SRBD1: variants seen among roughly 807,000 people sequenced by gnomAD.
SRBD1 encodes the protein S1 RNA binding domain 1.
A neutral mutation model predicts 115.3 loss-of-function variants in SRBD1; 88 were observed. The observed-to-expected ratio is 0.76, with a 90% CI of 0.64 to 0.91. The LOEUF (loss-of-function observed/expected upper bound fraction) is 0.91. Ranked by LOEUF, SRBD1 falls within the 40% of genes least tolerant of loss-of-function variation. The pLI, the probability that SRBD1 is intolerant of heterozygous loss-of-function variation, is 0.00. For synonymous variants in SRBD1, 509 were observed against 407.7 expected (o/e 1.25, Z -2.99); for missense variants, 1,385 against 1,177.4 (o/e 1.18, Z -2.58).
intron 16 of SRBD1, among the ~76,000 whole-genome samples, chr2:45,431,076 A>G (rs1668317933): frequency 6.6e-6 from 1 of 152,238 alleles, no homozygotes; most frequent in South Asian, 2.1e-4. Flanking sequence ...ACACAATCAA[A>G]ACCACAATGA....
chr2:45,451,580 A>C (rs1017921357), intron 16 of SRBD1, among the ~76,000 whole-genome samples: 8 of 152,002 alleles, frequency 5.3e-5, no homozygotes, highest in African/African-American at 1.7e-4. Context: ...GCCGGCATAC[A>C]GTATCTTCAG....
chr2:45,426,399 C>T (rs991868264), intron 16 of SRBD1, among the ~76,000 whole-genome samples: 12 of 152,166 alleles, frequency 7.9e-5, no homozygotes, highest in Non-Finnish European at 1.0e-4. Flanking sequence ...GAGCACCTGG[C>T]GGAAGGCGTG....
chr2:45,447,030 T>G (rs561704729), intron 16 of SRBD1: 1 of 152,246 alleles, frequency 6.6e-6, no homozygotes, highest in Non-Finnish European at 1.5e-5. Flanking sequence ...TAATTTTCTA[T>G]GTACTACTAG....
At position 45,426,708 on chromosome 2, in the gene SRBD1, C is replaced by A. The variant is rs576373385; in HGVS notation, c.2050-6814G>T. On this transcript the variant is annotated intron_variant, in intron 16 of 20. Coordinates refer to ENST00000263736, the MANE Select transcript of SRBD1 (RefSeq NM_018079.5). ...CCTCCACTGGTGATACCCAGGCAAA[C>A]AGGGTCTGGAGTGGACCCCCAGCAA... 1.7e-4 allele frequency among the ~76,000 whole-genome samples: 26 copies of A among 152,296 alleles called. No individual in the cohort carries two copies. In the South Asian group the frequency reaches 5.4e-3, roughly 32 times the overall value.
chr2:45,606,403 G>A (rs558788283), intron 1 of SRBD1, among the ~76,000 whole-genome samples: 7 of 152,016 alleles, frequency 4.6e-5, no homozygotes, highest in African/African-American at 7.2e-5. Flanking sequence ...CAGGTGATCC[G>A]CCCACCTCGG....
chr2:45,600,021 A>G (rs1270256562), intron 3 of SRBD1, among the ~76,000 whole-genome samples, 186 bp from the exon 4 acceptor site: 5 of 152,224 alleles, frequency 3.3e-5, no homozygotes, highest in Non-Finnish European at 7.3e-5. Context: ...ATACATTTAT[A>G]TAACATTCCT....
chr2:45,548,924 CAGAA>C (rs1672205350), intron 12 of SRBD1: 1 of 152,030 alleles, frequency 6.6e-6, no homozygotes, highest in Non-Finnish European at 1.5e-5. Flanking sequence ...TGGAAGGAAG[CAGAA>C]AGAAACAGTG....
At chr2:45,400,580 T>G (rs942631525) in intron 19 of SRBD1, among the ~76,000 whole-genome samples, 2 of 151,952 alleles carry the variant, frequency 1.3e-5, no homozygotes, top group African/African-American at 4.8e-5. Flanking sequence ...AAAAACAACT[T>G]TTTTTCTTGG....
intron 16 of SRBD1, among the ~76,000 whole-genome samples, chr2:45,468,826 G>C (rs756131165): frequency 6.6e-5 from 10 of 152,106 alleles, no homozygotes; most frequent in Non-Finnish European, 1.2e-4. Context: ...CTCCAAAGTG[G>C]TGGTACCAAT....
At chr2:45,390,328 T>C (rs762559094) in intron 20 of SRBD1, among the ~76,000 whole-genome samples, 2 of 152,180 alleles carry the variant, frequency 1.3e-5, no homozygotes, top group Non-Finnish European at 2.9e-5. Context: ...AAGATACAGA[T>C]TTCTGTTTCC....
At chr2:45,452,055 A>G (rs757769458) in intron 16 of SRBD1, among the ~76,000 whole-genome samples, 1 of 151,980 alleles carries the variant, frequency 6.6e-6, no homozygotes, top group Non-Finnish European at 1.5e-5. Flanking sequence ...CTTAAATATA[A>G]AAACAAAAAG....
intron 19 of SRBD1, among the ~76,000 whole-genome samples, chr2:45,407,122 C>G (rs1667459500): frequency 6.6e-6 from 1 of 152,114 alleles, no homozygotes; most frequent in African/African-American, 2.4e-5. Flanking sequence ...ACTTACCTAT[C>G]AGAGACTCTG....
intron 5 of SRBD1, among the ~76,000 whole-genome samples, chr2:45,585,145 G>T (rs1037062078): frequency 6.7e-6 from 1 of 149,522 alleles, no homozygotes; most frequent in Admixed American, 6.7e-5. Context: ...GCAAGACTCT[G>T]TCTCCGAAAA....
At chr2:45,605,830 G>A (rs1455957231) in intron 1 of SRBD1, among the ~76,000 whole-genome samples, 3 of 151,660 alleles carry the variant, frequency 2.0e-5, no homozygotes, top group Non-Finnish European at 2.9e-5. Flanking sequence ...CTTGAACCCA[G>A]GAGGTGGAGG....
intron 19 of SRBD1, among the ~76,000 whole-genome samples, chr2:45,397,666 C>T (rs1667184660): frequency 6.6e-6 from 1 of 152,190 alleles, no homozygotes; most frequent in South Asian, 2.1e-4. Flanking sequence ...AGCAGTGGTG[C>T]AATCACAGCT....
intron 9 of SRBD1, among the ~76,000 whole-genome samples, chr2:45,565,487 G>A (rs1045871876): frequency 2.0e-5 from 3 of 152,036 alleles, no homozygotes; most frequent in Admixed American, 6.5e-5. Context: ...ACTCAAAATT[G>A]ATCTTAGACC....
chr2:45,507,545 C>A (rs2103913389), intron 14 of SRBD1, among the ~76,000 whole-genome samples: 1 of 151,892 alleles, frequency 6.6e-6, no homozygotes, highest in Non-Finnish European at 1.5e-5. Flanking sequence ...CATGATGAAA[C>A]CCCATTTCTA....
At chr2:45,572,786 G>A (rs1673060642) in intron 9 of SRBD1, among the ~76,000 whole-genome samples, 1 of 152,042 alleles carries the variant, frequency 6.6e-6, no homozygotes, top group Non-Finnish European at 1.5e-5. Context: ...ACTGAAAAAT[G>A]AAATTAAAAC....
chr2:45,602,036 G>C lies in SRBD1; in HGVS notation c.128C>G (p.Pro43Arg). 6.2e-7 allele frequency: 1 copy of C among 1,614,048 alleles called. No homozygotes were observed. The highest frequency in any genetic ancestry group is 8.5e-7 in the Non-Finnish European group (1 of 1,179,994). ...EDDKEDSAWE[P>R]QKKVPRSRKQ... ...ACGGCTTCTGGGAACTTTCTTTTGGGGCTCCCAGGCACTATCTTCCTTGTC... is the reference window on the plus strand; with the variant it reads ...ACGGCTTCTGGGAACTTTCTTTTGGCGCTCCCAGGCACTATCTTCCTTGTC... The change falls in exon 3 of 21, where the codon CCC (proline) becomes CGC (arginine). Residue 43 changes from proline to arginine, a missense_variant. Coordinates refer to ENST00000263736, the MANE Select transcript of SRBD1 (RefSeq NM_018079.5).
Sources: allele counts gnomAD v4.1 joint callset (sites outside exome capture counted in the v4.1 genomes callset), GRCh38; gene constraint gnomAD v4.1.1; transcripts MANE v1.5; gene names NCBI Gene and HGNC (gene_info 2026-07-23, HGNC 2026-07-21).